Variants in ZMYM2 observed in about 807,000 individuals in gnomAD.
ZMYM2 encodes the protein zinc finger MYM-type containing 2, also known as zinc finger MYM-type protein 2.
In ZMYM2, 56 loss-of-function variants were observed where a neutral mutation model predicts 162.8. The observed-to-expected ratio is 0.34, with a 90% CI of 0.28 to 0.43. ZMYM2 has a LOEUF of 0.43. ZMYM2 is among the 20% of genes least tolerant of loss of function. ZMYM2 has a pLI of 1.00. For missense variants in ZMYM2, 1,275 were observed against 1,621.8 expected, an observed-to-expected ratio of 0.79 and a Z score of 3.67; for synonymous variants, 510 against 541.6, an observed-to-expected ratio of 0.94 and a Z score of 0.81.
intron 6 of ZMYM2, among the ~76,000 whole-genome samples, chr13:20,011,791 T>C (rs1951213933): frequency 1.3e-5 from 2 of 151,098 alleles, no homozygotes; most frequent in Admixed American, 6.6e-5. Flanking sequence ...GCTCTGTTGC[T>C]CAGGCTGGAG....
intron 2 of ZMYM2, among the ~76,000 whole-genome samples, chr13:19,968,502 T>G (rs56034231): frequency 6.6e-6 from 1 of 152,210 alleles, no homozygotes; most frequent in Non-Finnish European, 1.5e-5. Flanking sequence ...CCTCAGGTGA[T>G]CTGCCCACCT....
At chr13:19,944,675 A>G in the ZMYM2 span, among the ~76,000 whole-genome samples, 2 of 151,934 alleles carry the variant, frequency 1.3e-5, no homozygotes, top group African/African-American at 2.4e-5. Context: ...TCCATGTCCT[A>G]TTTATTTATT....
the ZMYM2 span, chr13:19,863,858 C>T: frequency 6.6e-6 from 1 of 152,326 alleles, no homozygotes; most frequent in Non-Finnish European, 1.5e-5. Flanking sequence ...TCCCGCCTGC[C>T]AGCCCTCAAC....
At chr13:19,868,522 ATAG>A in the ZMYM2 span, among the ~76,000 whole-genome samples, 1 of 152,190 alleles carries the variant, frequency 6.6e-6, no homozygotes, top group Non-Finnish European at 1.5e-5. Context: ...TTAGTGGGAC[ATAG>A]TAGTTAAGGA....
chr13:20,004,683 C>T (rs761923726), intron 4 of ZMYM2, among the ~76,000 whole-genome samples: 1 of 123,430 alleles, frequency 8.1e-6, no homozygotes, highest in Non-Finnish European at 1.6e-5. Flanking sequence ...TACCATATTC[C>T]CCATAACCCA....
intron 2 of ZMYM2, among the ~76,000 whole-genome samples, chr13:19,976,048 C>T (rs1956758483): frequency 6.6e-6 from 1 of 152,000 alleles, no homozygotes; most frequent in South Asian, 2.1e-4. Flanking sequence ...AAACAGCAAT[C>T]CTAGGCCGGG....
At chr13:19,864,537 GGGAGCTGCAGGCTCCCTT>G in the ZMYM2 span, 355 of 154,760 alleles carry the variant, frequency 2.3e-3, no homozygotes, top group Non-Finnish European at 3.5e-3. Flanking sequence ...CCAAGATGGA[GGGAGCTGCAGGCTCCCTT>G]GGAGCTGGGC....
the ZMYM2 span, among the ~76,000 whole-genome samples, chr13:19,885,952 C>CACACATATATGTGTGTAT: frequency 2.8e-4 from 25 of 88,912 alleles, 7 homozygotes; most frequent in Non-Finnish European, 4.7e-4. Flanking sequence ...TATGTATATA[C>CACACATATATGTGTGTAT]ACATATATAT....
At chr13:19,916,791 A>G in the ZMYM2 span, among the ~76,000 whole-genome samples, 2 of 152,100 alleles carry the variant, frequency 1.3e-5, no homozygotes, top group Non-Finnish European at 2.9e-5. Context: ...CGGCAAACCA[A>G]CAGGGCGCAT....
chr13:20,011,102 T>A (rs1352090737), intron 6 of ZMYM2, among the ~76,000 whole-genome samples: 1 of 152,224 alleles, frequency 6.6e-6, no homozygotes, highest in Non-Finnish European at 1.5e-5. Flanking sequence ...ATTCTCTCTT[T>A]TAGCCTTTTG....
intron 6 of ZMYM2, among the ~76,000 whole-genome samples, chr13:20,014,218 C>T (rs373793862): frequency 1.2e-4 from 18 of 152,138 alleles, no homozygotes; most frequent in South Asian, 2.1e-4. Context: ...GGACTACAGG[C>T]GCCTGCCACC....
chr13:19,952,690 A>T, the ZMYM2 span, among the ~76,000 whole-genome samples: 1 of 152,176 alleles, frequency 6.6e-6, no homozygotes, highest in Non-Finnish European at 1.5e-5. Context: ...TATTTACAAT[A>T]AACTGGAAAA....
At chr13:19,964,510 C>G (rs1310029124) in intron 2 of ZMYM2, among the ~76,000 whole-genome samples, 1 of 152,222 alleles carries the variant, frequency 6.6e-6, no homozygotes, top group Non-Finnish European at 1.5e-5. Context: ...AGCGATCTTC[C>G]CACCTTGGCC....
At chr13:19,927,211 A>G in the ZMYM2 span, among the ~76,000 whole-genome samples, 1 of 152,192 alleles carries the variant, frequency 6.6e-6, no homozygotes, top group Non-Finnish European at 1.5e-5. Flanking sequence ...TAACATAACA[A>G]ATCCTTGTGA....
chr13:19,949,035 C>T, the ZMYM2 span, among the ~76,000 whole-genome samples: 7 of 151,200 alleles, frequency 4.6e-5, no homozygotes, highest in Non-Finnish European at 7.4e-5. Flanking sequence ...TTTGGGAGGC[C>T]GAGGCAGGAG....
At chr13:19,995,031 G>A (rs1949916740) in intron 3 of ZMYM2, among the ~76,000 whole-genome samples, 1 of 150,898 alleles carries the variant, frequency 6.6e-6, no homozygotes, top group Non-Finnish European at 1.5e-5. Context: ...TATTTGTAGA[G>A]ACGGAGTCTT....
At chr13:19,937,086 T>A in the ZMYM2 span, among the ~76,000 whole-genome samples, 2 of 152,022 alleles carry the variant, frequency 1.3e-5, no homozygotes, top group East Asian at 3.8e-4. Context: ...TAATTAAATT[T>A]AAAAAATCAA....
the ZMYM2 span, among the ~76,000 whole-genome samples, chr13:19,882,558 G>A: frequency 1.4e-4 from 22 of 152,130 alleles, no homozygotes; most frequent in South Asian, 2.1e-4. Flanking sequence ...ACCAGCCTGG[G>A]CAACAAGGTG....
At chr13:19,940,792 T>C in the ZMYM2 span, among the ~76,000 whole-genome samples, 3 of 152,196 alleles carry the variant, frequency 2.0e-5, no homozygotes, top group Non-Finnish European at 4.4e-5. Context: ...ATTCCTACTG[T>C]AAACTCTAGG....
Sources: gnomAD v4.1 joint callset for allele counts (sites outside exome capture counted in the v4.1 genomes callset) on GRCh38, gnomAD v4.1.1 for gene constraint, MANE v1.5 for transcripts, NCBI Gene and HGNC (gene_info 2026-07-23, HGNC 2026-07-21) for gene names.